The following SELENOO variants were observed in gnomAD, a reference collection of about 807,000 sequenced individuals.
The protein encoded by SELENOO is selenoprotein O, also known as protein adenylyltransferase SelO, mitochondrial.
A neutral mutation model predicts 58.7 loss-of-function variants in SELENOO; 74 were observed. That is an observed-to-expected ratio of 1.26 (90% CI 1.04 to 1.53). SELENOO has a LOEUF of 1.53. Ranked by LOEUF, SELENOO falls within the 40% of genes most tolerant of loss-of-function variation. The pLI is 0.00. For missense variants in SELENOO, 1,149 were observed against 970.0 expected (o/e 1.18, Z -2.45); for synonymous variants, 543 against 453.2 (o/e 1.20, Z -2.52).
intron 5 of SELENOO, among the ~76,000 whole-genome samples, chr22:50,213,804 C>G (rs1346349548): frequency 1.5e-5 from 1 of 68,754 alleles, no homozygotes; most frequent in Non-Finnish European, 2.6e-5. Flanking sequence ...CCTGCCACCA[C>G]GCCCGGGTAA....
intron 1 of SELENOO, 142 bp from the exon 2 acceptor site, chr22:50,206,175 T>C (rs1383045859): frequency 3.0e-6 from 2 of 670,378 alleles, no homozygotes; most frequent in Non-Finnish European, 5.2e-6. Context: ...AGGCACCTGA[T>C]GTCACCTGGG....
At chr22:50,210,980 C>A in intron 5 of SELENOO, 69 bp downstream of exon 5, 1 of 1,566,842 alleles carries the variant, frequency 6.4e-7, no homozygotes. Flanking sequence ...GGTTTACCTT[C>A]TGGCTTCCAG....
intron 1 of SELENOO, among the ~76,000 whole-genome samples, chr22:50,202,019 A>T (rs1307828731): frequency 6.6e-6 from 1 of 152,164 alleles, no homozygotes; most frequent in Non-Finnish European, 1.5e-5. Context: ...TGAGGTGGGC[A>T]TCGTTTAGAT....
intron 2 of SELENOO, 65 bp downstream of exon 2, chr22:50,206,585 T>C (rs2064334797): frequency 7.0e-7 from 1 of 1,418,876 alleles, no homozygotes; most frequent in Non-Finnish European, 9.6e-7. Flanking sequence ...GATTTGGGCC[T>C]GTGCTGCTAG....
rs1316908755 is a variant in SELENOO at position 50,201,245 on chromosome 22, C to T, written c.209C>T (p.Ala70Val). ...GCGCCGCCGCCCGGTCCCGAGGGCG[C>T]CCCGTCCGCGCCGCGGCCCGTGCCC... ...VEAPPPGPEG[A>V]PSAPRPVPGA... The change falls in exon 1 of 9, where the codon GCC becomes GTC. Residue 70 changes from alanine to valine, a missense_variant. Transcript: ENST00000380903. 3 of 1,097,408 alleles carry T rather than the reference C, an allele frequency of 2.7e-6. No individual in the cohort carries two copies. Among genetic ancestry groups the T allele is most frequent in the Admixed American group, 5.2e-5 (1 of 19,408 alleles). 68.0% of individuals were successfully genotyped at this position (1,097,408 alleles called of 1,614,324 possible).
In SELENOO at chr22:50,210,945, C is replaced by A. The variant is rs766420049; in HGVS notation, c.1351+34C>A. 10 of 1,611,412 alleles carry A rather than the reference C, an allele frequency of 6.2e-6. No homozygotes were observed. In the African/African-American group the frequency reaches 1.3e-4, roughly 22 times the overall value. On this transcript the variant is annotated intron_variant, in intron 5 of 8. Coordinates refer to ENST00000380903, the MANE Select transcript of SELENOO (RefSeq NM_031454.2). ...CCCAGCCGTGCCCACAGCAAGGCGC[C>A]TCCCGTGCTGTTGTGCTTAGAGATG... is the stretch of plus-strand genomic sequence containing the variant.
intron 5 of SELENOO, among the ~76,000 whole-genome samples, chr22:50,214,711 G>A (rs1448375049): frequency 1.3e-5 from 2 of 152,234 alleles, no homozygotes; most frequent in African/African-American, 4.8e-5. Context: ...GTTGCAGTGA[G>A]CCGAGATTGC....
chr22:50,202,217 A>C (rs76246236), intron 1 of SELENOO, among the ~76,000 whole-genome samples: 5,380 of 151,928 alleles, frequency 0.035, 326 homozygotes, highest in African/African-American at 0.12. Context: ...AATGACTAGG[A>C]AAGTGTACAT....
intron 1 of SELENOO, 175 bp from the exon 2 acceptor site, chr22:50,206,142 C>A (rs1225409065): frequency 1.6e-6 from 1 of 610,088 alleles, no homozygotes; most frequent in African/African-American, 1.8e-5. Context: ...GTTGCTGGAA[C>A]TGGGCGGTGT....
chr22:50,212,957 GTGAGT>G (rs1287664623), intron 5 of SELENOO, among the ~76,000 whole-genome samples: 1 of 152,178 alleles, frequency 6.6e-6, no homozygotes, highest in Non-Finnish European at 1.5e-5. Context: ...TTCCTTAGGC[GTGAGT>G]TGAGGTAACT....
rs546164482 is a variant in SELENOO, at chr22:50,201,197, C to G, written c.161C>G (p.Ala54Gly). 524 of 1,199,256 alleles carry G rather than the reference C, an allele frequency of 4.4e-4. 3 individuals are homozygous for G. In the African/African-American group the frequency reaches 7.9e-3, roughly 18 times the overall value. The allele number at this position is 1,199,256 out of a possible 1,614,324, so 74.3% of individuals were successfully genotyped here. The part of the protein sequence containing the change: ...WLAGLRFDNR[A>G]LRALPVEAPP... ...GCGGGGCTGCGCTTCGACAACCGCGCCCTGCGCGCCCTGCCCGTGGAGGCG... is the reference window on the plus strand; with the variant it reads ...GCGGGGCTGCGCTTCGACAACCGCGGCCTGCGCGCCCTGCCCGTGGAGGCG... The change falls in exon 1 of 9, where the codon GCC (alanine) becomes GGC (glycine). Residue 54 changes from alanine (A) to glycine (G), a missense_variant. Coordinates refer to ENST00000380903, the MANE Select transcript of SELENOO (RefSeq NM_031454.2).
Position 50,210,249 on chromosome 22 carries a change from C to CA in SELENOO, c.1009dup (p.Thr337AsnfsTer75). On this transcript the variant is annotated frameshift_variant, in exon 4 of 9. Coordinates refer to ENST00000380903, the MANE Select transcript of SELENOO (RefSeq NM_031454.2). LOFTEE classifies it high-confidence loss of function. ...TGGGCTTCTGCCACGGCGTGCTCAA[C>CA]ACCGACAACATGAGCATCCTGGGGC... 1 of 1,613,490 alleles carries CA rather than the reference C, an allele frequency of 6.2e-7. No homozygotes were observed. Among genetic ancestry groups the CA allele is most frequent in the Non-Finnish European group, 8.5e-7 (1 of 1,179,960 alleles).
chr22:50,202,608 T>C (rs1160533749), intron 1 of SELENOO, among the ~76,000 whole-genome samples: 2 of 152,230 alleles, frequency 1.3e-5, no homozygotes, highest in Admixed American at 6.5e-5. Flanking sequence ...GCGATCATCT[T>C]AAACTTTATG....
intron 1 of SELENOO, among the ~76,000 whole-genome samples, chr22:50,203,459 C>G (rs1409308560): frequency 6.6e-6 from 1 of 152,200 alleles, no homozygotes; most frequent in Non-Finnish European, 1.5e-5. Flanking sequence ...ACTCATGCTT[C>G]CTGATTTCAA....
intron 6 of SELENOO, 43 bp from the exon 7 acceptor site, chr22:50,216,648 C>T (rs1438829488): frequency 1.3e-6 from 2 of 1,520,174 alleles, no homozygotes; most frequent in Admixed American, 3.9e-5. Flanking sequence ...AGGGCAGGGA[C>T]ACGGTCAGGG....
At chr22:50,213,606 C>T (rs111981449) in intron 5 of SELENOO, among the ~76,000 whole-genome samples, 12 of 152,106 alleles carry the variant, frequency 7.9e-5, no homozygotes, top group African/African-American at 2.9e-4. Context: ...TTGGTTTAGG[C>T]TGTTGTTCAG....
intron 4 of SELENOO, 123 bp downstream of exon 4, chr22:50,210,434 C>T: frequency 2.9e-6 from 4 of 1,388,898 alleles, no homozygotes; most frequent in Non-Finnish European, 2.9e-6. Flanking sequence ...GGGCTGGGGG[C>T]TGATGTAGGA....
chr22:50,216,307 CCTG>C (rs1194018924), intron 6 of SELENOO, among the ~76,000 whole-genome samples: 2 of 152,224 alleles, frequency 1.3e-5, no homozygotes, highest in African/African-American at 4.8e-5. Flanking sequence ...GCCAGCAGGC[CCTG>C]CTGAGCATAA....
At chr22:50,202,338 C>A (rs2064308160) in intron 1 of SELENOO, among the ~76,000 whole-genome samples, 1 of 152,156 alleles carries the variant, frequency 6.6e-6, no homozygotes, top group Non-Finnish European at 1.5e-5. Context: ...CATCCCTTCC[C>A]CGGGGCTCCA....
Sources: allele counts gnomAD v4.1 joint callset (sites outside exome capture counted in the v4.1 genomes callset), GRCh38; gene constraint gnomAD v4.1.1; transcripts MANE v1.5; gene names NCBI Gene and HGNC (gene_info 2026-07-23, HGNC 2026-07-21).